FAM83D: variants seen among roughly 807,000 people sequenced by gnomAD.
FAM83D encodes scaffolding CK1 anchoring protein D.
FAM83D carries 26 observed loss-of-function variants against 25.4 expected under a neutral mutation model. That is an observed-to-expected ratio of 1.02 (90% CI 0.75 to 1.42). The LOEUF (loss-of-function observed/expected upper bound fraction) is 1.42. FAM83D is among the 40% of genes most tolerant of loss of function. FAM83D has a pLI of 0.00. For synonymous variants in FAM83D, 310 were observed against 318.5 expected (o/e 0.97, Z 0.28); for missense variants, 740 against 758.1 (o/e 0.98, Z 0.28).
intron 1 of FAM83D, among the ~76,000 whole-genome samples, chr20:38,930,710 C>T (rs1415580188): frequency 1.3e-5 from 2 of 151,726 alleles, no homozygotes; most frequent in East Asian, 1.9e-4. Flanking sequence ...TGCAGTGGCA[C>T]AGTCTCAGCT....
Position 38,938,585 on chromosome 20 carries a change from A to T in FAM83D, c.484-3374A>T, listed in dbSNP as rs561851489. On this transcript the variant is annotated intron_variant, in intron 1 of 3. Coordinates refer to ENST00000619850, the MANE Select transcript of FAM83D (RefSeq NM_030919.3). ...TCATTTGTACACCTGCATATTCCAAACCTCTTTTTGAAGGTTTTACTGCCA... is the reference window on the plus strand; with the variant it reads ...TCATTTGTACACCTGCATATTCCAATCCTCTTTTTGAAGGTTTTACTGCCA... Among the ~76,000 whole-genome samples the T allele has an allele frequency of 3.7e-4, 56 of 151,854 alleles. 1 individual carries two copies. The South Asian group carries it at 0.012, about 32-fold the overall frequency.
intron 1 of FAM83D, among the ~76,000 whole-genome samples, chr20:38,931,012 C>G (rs938867091): frequency 6.6e-6 from 1 of 152,060 alleles, no homozygotes; most frequent in Non-Finnish European, 1.5e-5. Context: ...TCAAGTGATT[C>G]ACCTGCCTTG....
At position 38,951,933 on chromosome 20, in the gene FAM83D, A is replaced by G. The variant is rs1601339828; in HGVS notation, c.1171A>G (p.Thr391Ala). The change falls in exon 4 of 4, where the codon ACT becomes GCT. Residue 391 changes from threonine to alanine, a missense_variant. Coordinates refer to ENST00000619850, the MANE Select transcript of FAM83D (RefSeq NM_030919.3). ...LQSRKAIDAATQTEPGEEMPG... is the reference protein window; with the variant it reads ...LQSRKAIDAAAQTEPGEEMPG... ...GAGCAGAAAGGCCATTGACGCTGCC[A>G]CTCAAACAGAGCCAGGAGAGGAGAT... is the stretch of plus-strand genomic sequence containing the variant. 4.3e-6 allele frequency: 7 copies of G among 1,614,018 alleles called. No homozygotes were observed. The African/African-American group carries it at 6.7e-5, about 15-fold the overall frequency.
intron 1 of FAM83D, among the ~76,000 whole-genome samples, chr20:38,938,107 C>CTAATTT (rs2085686172): frequency 6.6e-6 from 1 of 152,176 alleles, no homozygotes; most frequent in Non-Finnish European, 1.5e-5. Context: ...TCAAATCCAA[C>CTAATTT]GCACAGGAAA....
At chr20:38,938,564 T>A (rs181335989) in intron 1 of FAM83D, among the ~76,000 whole-genome samples, 31 of 152,340 alleles carry the variant, frequency 2.0e-4, no homozygotes, top group Non-Finnish European at 3.5e-4. Context: ...CTACTCTCAT[T>A]TGTACACCTG....
At chr20:38,937,509 A>G (rs2085683870) in intron 1 of FAM83D, among the ~76,000 whole-genome samples, 1 of 152,174 alleles carries the variant, frequency 6.6e-6, no homozygotes, top group South Asian at 2.1e-4. Flanking sequence ...CAGCTCAGTG[A>G]AGAGAGTGTC....
At chr20:38,946,962 AT>A (rs2085731048) in intron 2 of FAM83D, among the ~76,000 whole-genome samples, 1 of 152,142 alleles carries the variant, frequency 6.6e-6, no homozygotes, top group African/African-American at 2.4e-5. Flanking sequence ...TCTCTCTCTT[AT>A]TCTAGTCCTT....
chr20:38,936,160 AACT>A (rs1474649444), intron 1 of FAM83D, among the ~76,000 whole-genome samples: 21 of 152,246 alleles, frequency 1.4e-4, no homozygotes, highest in Admixed American at 1.1e-3. Flanking sequence ...AAGGGAGGGA[AACT>A]GAGGTGCAGT....
intron 1 of FAM83D, among the ~76,000 whole-genome samples, chr20:38,929,723 C>G (rs1372506969): frequency 3.3e-5 from 5 of 149,790 alleles, no homozygotes; most frequent in African/African-American, 1.2e-4. Context: ...GGCTGTAGTA[C>G]ACTATGACTA....
At chr20:38,928,192 T>C (rs986513151) in intron 1 of FAM83D, among the ~76,000 whole-genome samples, 9 of 152,236 alleles carry the variant, frequency 5.9e-5, no homozygotes, top group Non-Finnish European at 1.2e-4. Context: ...ACATGGCAGA[T>C]AAAGCCCCAG....
At chr20:38,935,356 C>T (rs1486794170) in intron 1 of FAM83D, among the ~76,000 whole-genome samples, 1 of 152,224 alleles carries the variant, frequency 6.6e-6, no homozygotes, top group East Asian at 1.9e-4. Context: ...TGGTCAGTCC[C>T]TCCAGAGATC....
Position 38,951,528 on chromosome 20 carries a change from T to C in FAM83D, c.777-11T>C. On this transcript the variant is annotated splice_polypyrimidine_tract_variant and intron_variant, in intron 3 of 3. Transcript: ENST00000619850. ...TTACCAGCTGCTGTTTGTTTCTTTT[T>C]AATCTTTAAGTTTTACATGGACGGA... 6.2e-7 allele frequency: 1 copy of C among 1,602,022 alleles called. No homozygotes were observed. Among genetic ancestry groups the C allele is most frequent in the Non-Finnish European group, 8.5e-7 (1 of 1,173,602 alleles).
chr20:38,932,675 G>T (rs182704675), intron 1 of FAM83D, among the ~76,000 whole-genome samples: 6 of 152,180 alleles, frequency 3.9e-5, no homozygotes, highest in Non-Finnish European at 1.5e-5. Context: ...GGCTGTGGCC[G>T]CCTGCCTGGA....
intron 2 of FAM83D, 106 bp downstream of exon 2, chr20:38,942,232 C>G (rs2085706163): frequency 7.9e-7 from 1 of 1,264,232 alleles, no homozygotes; most frequent in East Asian, 2.3e-5. Flanking sequence ...AAGGAAGGGA[C>G]TGAGGCTGTG....
intron 2 of FAM83D, among the ~76,000 whole-genome samples, chr20:38,945,817 C>G (rs572986421): frequency 7.3e-6 from 1 of 136,420 alleles, no homozygotes; most frequent in South Asian, 2.4e-4. Flanking sequence ...GTCTTGAACT[C>G]CTGGACTCAA....
chr20:38,943,328 C>G (rs2085711399), intron 2 of FAM83D, among the ~76,000 whole-genome samples: 1 of 151,978 alleles, frequency 6.6e-6, no homozygotes, highest in Non-Finnish European at 1.5e-5. Context: ...CCAGCCTGCT[C>G]TGTGCTTTTA....
At chr20:38,938,848 A>T (rs1601333432) in intron 1 of FAM83D, among the ~76,000 whole-genome samples, 1 of 152,188 alleles carries the variant, frequency 6.6e-6, no homozygotes, top group South Asian at 2.1e-4. Flanking sequence ...AACCTAAAGA[A>T]TATCCACGTG....
intron 1 of FAM83D, among the ~76,000 whole-genome samples, chr20:38,931,086 C>T (rs1000706218): frequency 6.6e-6 from 1 of 152,242 alleles, no homozygotes; most frequent in Non-Finnish European, 1.5e-5. Flanking sequence ...GCCCACACTC[C>T]TAATCCCTGC....
At chr20:38,948,065 G>GTCTTTACCTTT (rs1242149235) in intron 3 of FAM83D, 65 bp downstream of exon 3, 1 of 1,581,792 alleles carries the variant, frequency 6.3e-7, no homozygotes, top group African/African-American at 1.4e-5. Context: ...GTCATGTAAA[G>GTCTTTACCTTT]GTAAAAGCCT....
Sources: gnomAD v4.1 joint callset for allele counts (sites outside exome capture counted in the v4.1 genomes callset) on GRCh38, gnomAD v4.1.1 for gene constraint, MANE v1.5 for transcripts, NCBI Gene and HGNC (gene_info 2026-07-23, HGNC 2026-07-21) for gene names.